ABTB3: variants seen among roughly 807,000 people sequenced by gnomAD.
The protein encoded by ABTB3 is ankyrin repeat and BTB domain containing 3, also known as ankyrin repeat- and BTB/POZ domain-containing protein 3.
the ABTB3 span, among the ~76,000 whole-genome samples, chr12:107,486,986 T>C: frequency 6.6e-6 from 1 of 152,160 alleles, no homozygotes; most frequent in Non-Finnish European, 1.5e-5. Context: ...CATTCACCAT[T>C]TGGCTGCCAT....
the ABTB3 span, among the ~76,000 whole-genome samples, chr12:107,585,093 T>C: frequency 6.6e-6 from 1 of 152,152 alleles, no homozygotes; most frequent in Non-Finnish European, 1.5e-5. Context: ...ACTTCGGAAA[T>C]ATACAGAGTA....
At chr12:107,489,247 A>C in the ABTB3 span, among the ~76,000 whole-genome samples, 2 of 152,212 alleles carry the variant, frequency 1.3e-5, no homozygotes, top group African/African-American at 4.8e-5. Context: ...TTGGCTGGGC[A>C]CGGTGGCTCA....
the ABTB3 span, among the ~76,000 whole-genome samples, chr12:107,430,056 A>G: frequency 6.6e-6 from 1 of 152,222 alleles, no homozygotes; most frequent in Non-Finnish European, 1.5e-5. Context: ...TCTATGCTTA[A>G]AGCTATAATT....
chr12:107,475,783 C>A, the ABTB3 span, among the ~76,000 whole-genome samples: 4 of 152,204 alleles, frequency 2.6e-5, no homozygotes, highest in African/African-American at 4.8e-5. Context: ...TTGCCCAAGG[C>A]TGACATGAAA....
At chr12:107,542,529 G>A in the ABTB3 span, among the ~76,000 whole-genome samples, 4 of 152,210 alleles carry the variant, frequency 2.6e-5, no homozygotes, top group East Asian at 1.9e-4. Flanking sequence ...TGTAACACCT[G>A]TTACGTATAA....
chr12:107,439,675 G>A, the ABTB3 span, among the ~76,000 whole-genome samples: 1 of 152,074 alleles, frequency 6.6e-6, no homozygotes, highest in Non-Finnish European at 1.5e-5. Context: ...ACCAGAACGG[G>A]CTTTTTCTTT....
chr12:107,594,915 T>C, the ABTB3 span, among the ~76,000 whole-genome samples: 1 of 151,970 alleles, frequency 6.6e-6, no homozygotes, highest in African/African-American at 2.4e-5. Flanking sequence ...GGCTGGATAA[T>C]TCATTGTTGC....
the ABTB3 span, among the ~76,000 whole-genome samples, chr12:107,508,575 C>T: frequency 6.6e-6 from 1 of 150,994 alleles, no homozygotes; most frequent in Non-Finnish European, 1.5e-5. Flanking sequence ...CTGCCTCAGC[C>T]TCCTGAGTAG....
chr12:107,619,110 G>T, the ABTB3 span, among the ~76,000 whole-genome samples: 1 of 152,218 alleles, frequency 6.6e-6, no homozygotes, highest in East Asian at 1.9e-4. Flanking sequence ...GGACTGAGGA[G>T]AAGCCTCCTA....
At chr12:107,441,046 C>T in the ABTB3 span, among the ~76,000 whole-genome samples, 1 of 152,166 alleles carries the variant, frequency 6.6e-6, no homozygotes, top group African/African-American at 2.4e-5. Context: ...ATGCCCGAGC[C>T]TGGTGCTGGA....
the ABTB3 span, among the ~76,000 whole-genome samples, chr12:107,475,041 G>A: frequency 1.3e-5 from 2 of 152,144 alleles, no homozygotes; most frequent in East Asian, 1.9e-4. Context: ...TGAGTCTGCC[G>A]TTCACTCTCA....
chr12:107,580,956 C>T, the ABTB3 span: 3 of 1,551,618 alleles, frequency 1.9e-6, no homozygotes, highest in Non-Finnish European at 2.6e-6. Flanking sequence ...CCGGGGTCAC[C>T]GGTGCGGTCC....
the ABTB3 span, among the ~76,000 whole-genome samples, chr12:107,529,875 T>G: frequency 6.6e-6 from 1 of 152,102 alleles, no homozygotes; most frequent in Admixed American, 6.5e-5. Context: ...CTTTTGAAAC[T>G]CAGTAGGGAA....
At chr12:107,511,628 G>A in the ABTB3 span, among the ~76,000 whole-genome samples, 1 of 152,140 alleles carries the variant, frequency 6.6e-6, no homozygotes, top group African/African-American at 2.4e-5. Context: ...CCTACACTTG[G>A]AACTGGCACC....
chr12:107,320,143 G>A, the ABTB3 span: 5 of 1,356,300 alleles, frequency 3.7e-6, no homozygotes, highest in African/African-American at 6.0e-5. Flanking sequence ...AGTTTGCCTC[G>A]CGTCCCCCTC....
chr12:107,608,657 G>A, the ABTB3 span, among the ~76,000 whole-genome samples: 1 of 151,970 alleles, frequency 6.6e-6, no homozygotes, highest in East Asian at 1.9e-4. Flanking sequence ...ATTGCTTGAG[G>A]CCAGGAGTTC....
the ABTB3 span, among the ~76,000 whole-genome samples, chr12:107,352,819 G>A: frequency 1.3e-5 from 2 of 152,148 alleles, no homozygotes; most frequent in African/African-American, 4.8e-5. Context: ...GAGGCAGTGG[G>A]GTTGGAGAGA....
the ABTB3 span, chr12:107,618,321 A>T: frequency 1.9e-6 from 3 of 1,613,826 alleles, no homozygotes; most frequent in Non-Finnish European, 2.5e-6. Flanking sequence ...GAGGGAGGCC[A>T]TGTATCACAG....
the ABTB3 span, among the ~76,000 whole-genome samples, chr12:107,321,311 G>A: frequency 6.6e-6 from 1 of 152,326 alleles, no homozygotes; most frequent in East Asian, 1.9e-4. Flanking sequence ...GTGCGCGCGC[G>A]TCTGTGCGTG....
Sources: gnomAD v4.1 joint callset for allele counts (sites outside exome capture counted in the v4.1 genomes callset) on GRCh38, gnomAD v4.1.1 for gene constraint, MANE v1.5 for transcripts, NCBI Gene and HGNC (gene_info 2026-07-23, HGNC 2026-07-21) for gene names.